CSMD1: variants seen among roughly 807,000 people sequenced by gnomAD.
The protein encoded by CSMD1 is CUB and Sushi multiple domains 1.
In CSMD1, 213 loss-of-function variants were observed where a neutral mutation model predicts 417.5. The ratio of observed to expected loss-of-function variants is 0.51; its 90% CI spans 0.46 to 0.57. The LOEUF (loss-of-function observed/expected upper bound fraction) is 0.57. Among genes scored for constraint, CSMD1 ranks in the 20% least tolerant of loss-of-function variants. CSMD1 has a pLI of 0.00. For missense variants in CSMD1, 6,923 were observed against 4,529.7 expected (o/e 1.53, Z -15.17); for synonymous variants, 2,862 against 1,736.8 (o/e 1.65, Z -16.11).
At chr8:4,318,758 C>G (rs1799089974) in intron 3 of CSMD1, among the ~76,000 whole-genome samples, 1 of 149,200 alleles carries the variant, frequency 6.7e-6, no homozygotes, top group African/African-American at 2.5e-5. Flanking sequence ...TACAGATCAA[C>G]CAATAGATAC....
At chr8:4,220,904 G>C (rs1800990513) in intron 3 of CSMD1, among the ~76,000 whole-genome samples, 1 of 152,220 alleles carries the variant, frequency 6.6e-6, no homozygotes, top group Non-Finnish European at 1.5e-5. Context: ...GGAGGAATAA[G>C]TAGGCTTCCT....
At chr8:4,563,764 C>A (rs559558177) in intron 2 of CSMD1, among the ~76,000 whole-genome samples, 3 of 152,160 alleles carry the variant, frequency 2.0e-5, no homozygotes, top group Non-Finnish European at 4.4e-5. Flanking sequence ...ACTAGACCAT[C>A]GGTGCAAGCC....
At chr8:4,909,855 A>T (rs1009851408) in intron 1 of CSMD1, among the ~76,000 whole-genome samples, 2 of 152,136 alleles carry the variant, frequency 1.3e-5, no homozygotes, top group Non-Finnish European at 2.9e-5. Flanking sequence ...CAGTTCTCTG[A>T]TGGGTTCAGA....
chr8:4,877,887 G>C (rs1478165712), intron 1 of CSMD1, among the ~76,000 whole-genome samples: 1 of 151,970 alleles, frequency 6.6e-6, no homozygotes, highest in African/African-American at 2.4e-5. Context: ...TAGCATCAAG[G>C]AACATCATTG....
intron 1 of CSMD1, among the ~76,000 whole-genome samples, chr8:4,663,344 G>A (rs865821759): frequency 6.6e-6 from 1 of 152,128 alleles, no homozygotes; most frequent in Non-Finnish European, 1.5e-5. Flanking sequence ...GCAAAACTAC[G>A]TAGAATCTAC....
chr8:3,536,691 T>A (rs1474979668), intron 10 of CSMD1, among the ~76,000 whole-genome samples: 1 of 152,286 alleles, frequency 6.6e-6, no homozygotes, highest in South Asian at 2.1e-4. Flanking sequence ...CAATAGGATC[T>A]GTGCCCTCAG....
chr8:3,387,437 C>G, intron 18 of CSMD1, 57 bp downstream of exon 18: 2 of 1,415,728 alleles, frequency 1.4e-6, no homozygotes, highest in South Asian at 2.6e-5. Context: ...GCTAGTTAGA[C>G]GTGTGCGCTG....
intron 2 of CSMD1, among the ~76,000 whole-genome samples, chr8:4,628,817 G>A (rs1802325000): frequency 6.6e-6 from 1 of 152,074 alleles, no homozygotes; most frequent in South Asian, 2.1e-4. Flanking sequence ...ATTATATCTA[G>A]ATCAGGAATC....
chr8:4,022,063 G>C (rs1390134267), intron 4 of CSMD1, among the ~76,000 whole-genome samples: 1 of 148,878 alleles, frequency 6.7e-6, no homozygotes, highest in Admixed American at 6.7e-5. Context: ...ATATACAGAT[G>C]AATACATATG....
At chr8:3,770,771 C>CT (rs1476981319) in intron 5 of CSMD1, among the ~76,000 whole-genome samples, 1 of 152,120 alleles carries the variant, frequency 6.6e-6, no homozygotes, top group African/African-American at 2.4e-5. Flanking sequence ...CAAACCCATA[C>CT]TTAATTGCAG....
At chr8:4,928,335 T>C (rs1399329290) in intron 1 of CSMD1, among the ~76,000 whole-genome samples, 1 of 152,332 alleles carries the variant, frequency 6.6e-6, no homozygotes, top group African/African-American at 2.4e-5. Context: ...TTTGCCACCA[T>C]CCGGTATCAC....
At chr8:2,978,489 A>G (rs1404470106) in intron 55 of CSMD1, 123 bp downstream of exon 55, 2 of 745,052 alleles carry the variant, frequency 2.7e-6, no homozygotes, top group East Asian at 2.8e-5. Context: ...AACTCCTACA[A>G]TTGGTGATGG....
At chr8:3,683,629 G>A (rs1046567477) in intron 7 of CSMD1, among the ~76,000 whole-genome samples, 1 of 152,112 alleles carries the variant, frequency 6.6e-6, no homozygotes, top group Non-Finnish European at 1.5e-5. Flanking sequence ...CTGAAAACAT[G>A]TGCATACTCT....
intron 3 of CSMD1, among the ~76,000 whole-genome samples, chr8:4,345,633 C>A (rs1040284911): frequency 3.3e-5 from 5 of 152,206 alleles, no homozygotes; most frequent in African/African-American, 1.2e-4. Flanking sequence ...AAAATAATTA[C>A]TGAAACACGG....
chr8:3,799,607 A>G (rs966113500), intron 5 of CSMD1, among the ~76,000 whole-genome samples: 1 of 151,958 alleles, frequency 6.6e-6, no homozygotes, highest in Non-Finnish European at 1.5e-5. Context: ...TGGTACAGTA[A>G]AGAAAGACCC....
At chr8:4,346,607 C>T (rs1208620924) in intron 3 of CSMD1, among the ~76,000 whole-genome samples, 1 of 152,138 alleles carries the variant, frequency 6.6e-6, no homozygotes, top group South Asian at 2.1e-4. Context: ...CAATCTTCAG[C>T]AGGAATCAAA....
chr8:3,147,215 TC>T (rs1818898849), intron 40 of CSMD1, among the ~76,000 whole-genome samples: 1 of 152,194 alleles, frequency 6.6e-6, no homozygotes, highest in Non-Finnish European at 1.5e-5. Flanking sequence ...AACGATTTTT[TC>T]TTTTTTCTTT....
At chr8:4,051,613 G>C (rs1798427690) in intron 3 of CSMD1, among the ~76,000 whole-genome samples, 1 of 152,174 alleles carries the variant, frequency 6.6e-6, no homozygotes, top group Admixed American at 6.5e-5. Flanking sequence ...AGCGGGGCTT[G>C]TAGGTTTCTG....
intron 3 of CSMD1, among the ~76,000 whole-genome samples, chr8:4,211,926 G>A (rs978768552): frequency 3.9e-5 from 6 of 152,166 alleles, no homozygotes; most frequent in Non-Finnish European, 8.8e-5. Flanking sequence ...CTATTAGGAA[G>A]AAAGGGTAAT....
Sources: allele counts gnomAD v4.1 joint callset (sites outside exome capture counted in the v4.1 genomes callset), GRCh38; gene constraint gnomAD v4.1.1; transcripts MANE v1.5; gene names NCBI Gene and HGNC (gene_info 2026-07-23, HGNC 2026-07-21).